Variants in DGKB observed in about 807,000 individuals in gnomAD.
DGKB encodes diacylglycerol kinase beta, also known as 90 kDa diacylglycerol kinase.
In DGKB, 67 loss-of-function variants were observed where a neutral mutation model predicts 114.3. That is an observed-to-expected ratio of 0.59 (90% CI 0.48 to 0.72). The LOEUF (loss-of-function observed/expected upper bound fraction) is 0.72, where lower values mean the gene tolerates loss of function less well. DGKB is among the 30% of genes least tolerant of loss of function. The pLI, the probability that DGKB is intolerant of heterozygous loss-of-function variation, is 0.00. For missense variants in DGKB, 907 were observed against 975.2 expected (o/e 0.93, Z 0.93); for synonymous variants, 398 against 323.1 (o/e 1.23, Z -2.49).
At chr7:14,421,783 A>T (rs1184304540) in intron 21 of DGKB, among the ~76,000 whole-genome samples, 1 of 152,082 alleles carries the variant, frequency 6.6e-6, no homozygotes, top group Non-Finnish European at 1.5e-5. Context: ...TGATGTAATT[A>T]GAGATACTTA....
chr7:14,351,329 A>G (rs752142515), intron 21 of DGKB, among the ~76,000 whole-genome samples: 25 of 152,224 alleles, frequency 1.6e-4, no homozygotes, highest in Non-Finnish European at 3.1e-4. Flanking sequence ...TCACCAGTGA[A>G]TGAGGAGCGT....
At chr7:14,279,532 T>A (rs1217292361) in intron 23 of DGKB, among the ~76,000 whole-genome samples, 1 of 152,238 alleles carries the variant, frequency 6.6e-6, no homozygotes, top group Non-Finnish European at 1.5e-5. Context: ...CAGCTGGAGA[T>A]GAAATTCTGG....
chr7:14,839,697 C>A (rs1038906031), intron 2 of DGKB, among the ~76,000 whole-genome samples: 3 of 151,540 alleles, frequency 2.0e-5, no homozygotes, highest in African/African-American at 7.3e-5. Context: ...ATGATAAATG[C>A]ATATATTGTA....
intron 10 of DGKB, among the ~76,000 whole-genome samples, chr7:14,684,696 T>C (rs1821379017): frequency 6.6e-6 from 1 of 152,188 alleles, no homozygotes; most frequent in Admixed American, 6.5e-5. Flanking sequence ...TGCATTCCAA[T>C]GTCTATTAAC....
chr7:14,787,138 C>G (rs73276076), intron 2 of DGKB, among the ~76,000 whole-genome samples: 1,592 of 152,282 alleles, frequency 0.01, 27 homozygotes, highest in African/African-American at 0.036. Context: ...CTCCAGTTAT[C>G]TGCACACCTC....
At chr7:14,548,952 G>A (rs7786585) in intron 20 of DGKB, among the ~76,000 whole-genome samples, 2,065 of 151,980 alleles carry the variant, frequency 0.014, 52 homozygotes, top group African/African-American at 0.047. Context: ...AGGGCATGCT[G>A]TCTTCTGCAC....
intron 1 of DGKB, among the ~76,000 whole-genome samples, chr7:14,954,578 T>C (rs992682560): frequency 1.3e-5 from 2 of 151,942 alleles, no homozygotes; most frequent in Non-Finnish European, 2.9e-5. Context: ...GAGGCTATTA[T>C]AGACATCCAG....
In DGKB at chr7:14,787,753, C is replaced by T. The variant is rs186918087; in HGVS notation, c.71-30022G>A. On this transcript the variant is annotated intron_variant, in intron 2 of 25. Transcript: ENST00000402815. ...CTCCTCCAGGTGACGTGAGCATACC[C>T]CCAGTGATTGGCTTTTGCTGGGAAT... Among the ~76,000 whole-genome samples the T allele has an allele frequency of 2.6e-5, 4 of 152,306 alleles. No homozygotes were observed. The East Asian group carries it at 5.8e-4, about 22-fold the overall frequency.
intron 23 of DGKB, among the ~76,000 whole-genome samples, chr7:14,267,468 A>T (rs995074714): frequency 4.0e-4 from 44 of 110,282 alleles, no homozygotes; most frequent in Admixed American, 6.2e-4. Flanking sequence ...ATAAGTGCTT[A>T]TTTTTTTTTT....
chr7:14,904,508 A>T (rs1008319188), upstream of DGKB, among the ~76,000 whole-genome samples: 2 of 152,170 alleles, frequency 1.3e-5, no homozygotes, highest in Non-Finnish European at 2.9e-5. Flanking sequence ...AGGATTAAAT[A>T]ATACATCTTT....
At chr7:14,345,199 T>A (rs1256173985) in intron 22 of DGKB, 102 bp downstream of exon 22, 1 of 635,912 alleles carries the variant, frequency 1.6e-6, no homozygotes, top group Non-Finnish European at 2.7e-6. Flanking sequence ...CTCTGTGGAT[T>A]GCTAATATAT....
At chr7:14,752,718 C>A (rs1371475821) in intron 4 of DGKB, among the ~76,000 whole-genome samples, 4 of 152,070 alleles carry the variant, frequency 2.6e-5, no homozygotes, top group African/African-American at 9.7e-5. Flanking sequence ...AAAGCTAGAG[C>A]TTATTTTGAC....
chr7:14,740,229 G>A (rs1218858141), intron 4 of DGKB, among the ~76,000 whole-genome samples: 2 of 131,182 alleles, frequency 1.5e-5, no homozygotes, highest in Non-Finnish European at 3.2e-5. Flanking sequence ...CCTGCCCTAC[G>A]CTTAAGCCTT....
chr7:14,407,474 G>A (rs955691220), intron 21 of DGKB, among the ~76,000 whole-genome samples: 3 of 151,966 alleles, frequency 2.0e-5, no homozygotes, highest in Non-Finnish European at 4.4e-5. Context: ...TTCTATGTGT[G>A]TTTATTTTAG....
chr7:14,654,233 T>TTTAC lies in DGKB; in HGVS notation c.1134+18692_1134+18695dup, dbSNP rs1230465077. On this transcript the variant is annotated intron_variant, in intron 13 of 25. Transcript: ENST00000402815. ...TACAAAAAAATCAGTAGCATTCCTA[T>TTTAC]TTACCAAAAACAAGCTAGCTGAAAA... Among the ~76,000 whole-genome samples the TTTAC allele has an allele frequency of 3.9e-5, 6 of 152,056 alleles. No homozygotes were observed. The East Asian group carries it at 1.2e-3, about 29-fold the overall frequency.
At chr7:14,605,309 T>C (rs370388482) in intron 17 of DGKB, among the ~76,000 whole-genome samples, 1 of 150,540 alleles carries the variant, frequency 6.6e-6, no homozygotes, top group Non-Finnish European at 1.5e-5. Context: ...AAATCTATAT[T>C]CTGTTACGTA....
chr7:14,151,927 G>GC (rs1219959416), intron 25 of DGKB, among the ~76,000 whole-genome samples: 6 of 152,004 alleles, frequency 3.9e-5, no homozygotes, highest in Non-Finnish European at 7.4e-5. Flanking sequence ...GTAATTCCAA[G>GC]CCACATGGAT....
chr7:14,764,024 A>G (rs574732969), intron 2 of DGKB, among the ~76,000 whole-genome samples: 140 of 152,026 alleles, frequency 9.2e-4, no homozygotes, highest in Admixed American at 2.1e-3. Context: ...AGTTTCCTTT[A>G]AAATCTAAGC....
chr7:14,405,279 G>T (rs956979670), intron 21 of DGKB, among the ~76,000 whole-genome samples: 5 of 151,920 alleles, frequency 3.3e-5, no homozygotes, highest in African/African-American at 1.2e-4. Flanking sequence ...ACAGTAAAGA[G>T]TATCAGCTGG....
Sources: allele counts gnomAD v4.1 joint callset (sites outside exome capture counted in the v4.1 genomes callset), GRCh38; gene constraint gnomAD v4.1.1; transcripts MANE v1.5; gene names NCBI Gene and HGNC (gene_info 2026-07-23, HGNC 2026-07-21).